The following SORCS3 variants were observed in gnomAD, a reference collection of about 807,000 sequenced individuals.
SORCS3 encodes the protein sortilin related VPS10 domain containing receptor 3.
SORCS3 carries 57 observed loss-of-function variants against 146.3 expected under a neutral mutation model. The observed-to-expected ratio is 0.39, with a 90% confidence interval of 0.31 to 0.49. SORCS3 has a LOEUF of 0.49. SORCS3 is among the 20% of genes least tolerant of loss of function. SORCS3 has a pLI of 0.92. For missense variants in SORCS3, 1,341 were observed against 1,575.5 expected (o/e 0.85, Z 2.52); for synonymous variants, 653 against 618.5 (o/e 1.06, Z -0.83).
chr10:104,706,300 C>T (rs1028302535), intron 1 of SORCS3, among the ~76,000 whole-genome samples: 20 of 149,578 alleles, frequency 1.3e-4, no homozygotes, highest in African/African-American at 4.4e-4. Flanking sequence ...CTCTGCCTCC[C>T]GGGTTCAAGC....
At chr10:104,923,648 A>G (rs2133605483) in intron 3 of SORCS3, among the ~76,000 whole-genome samples, 1 of 152,296 alleles carries the variant, frequency 6.6e-6, no homozygotes, top group South Asian at 2.1e-4. Context: ...AGAATAGAGG[A>G]CACCAAGTGT....
chr10:104,662,868 A>C (rs936925634), intron 1 of SORCS3, among the ~76,000 whole-genome samples: 4 of 152,228 alleles, frequency 2.6e-5, no homozygotes, highest in African/African-American at 9.6e-5. Context: ...AGGCACTGGG[A>C]ACTCTTAGTA....
At chr10:105,066,594 C>T (rs1317820416) in intron 5 of SORCS3, among the ~76,000 whole-genome samples, 2 of 152,124 alleles carry the variant, frequency 1.3e-5, no homozygotes, top group African/African-American at 4.8e-5. Flanking sequence ...GTGTGTTAGG[C>T]ACCCTCAGCA....
chr10:105,080,484 G>T (rs1162046149), intron 5 of SORCS3, among the ~76,000 whole-genome samples: 1 of 151,974 alleles, frequency 6.6e-6, no homozygotes, highest in South Asian at 2.1e-4. Context: ...CTCCCATTCT[G>T]TAGGTTGTCT....
intron 2 of SORCS3, among the ~76,000 whole-genome samples, chr10:104,861,695 A>T (rs1264283493): frequency 6.6e-6 from 1 of 152,176 alleles, no homozygotes; most frequent in Non-Finnish European, 1.5e-5. Flanking sequence ...GTGAAATGGC[A>T]GGACGTCACC....
At chr10:105,123,508 A>G (rs2055950527) in intron 7 of SORCS3, among the ~76,000 whole-genome samples, 1 of 152,160 alleles carries the variant, frequency 6.6e-6, no homozygotes, top group African/African-American at 2.4e-5. Flanking sequence ...TAATATGGAG[A>G]TAATGCAGTA....
At chr10:104,889,600 A>G (rs2018728045) in intron 2 of SORCS3, among the ~76,000 whole-genome samples, 1 of 152,056 alleles carries the variant, frequency 6.6e-6, no homozygotes, top group Admixed American at 6.5e-5. Flanking sequence ...ACATTTTACC[A>G]TCTCACAAAA....
At chr10:104,711,864 A>G (rs893266337) in intron 1 of SORCS3, among the ~76,000 whole-genome samples, 6 of 152,130 alleles carry the variant, frequency 3.9e-5, no homozygotes, top group African/African-American at 1.5e-4. Flanking sequence ...CTGTGCCTGG[A>G]GGACATAGGA....
At chr10:104,738,242 C>T (rs545739938) in intron 1 of SORCS3, among the ~76,000 whole-genome samples, 3 of 152,222 alleles carry the variant, frequency 2.0e-5, no homozygotes, top group South Asian at 2.1e-4. Context: ...CTTGGTGATG[C>T]GGGCTCTTTT....
chr10:105,200,121 A>C lies in SORCS3; in HGVS notation c.2127+5A>C. 6.2e-7 allele frequency: 1 copy of C among 1,607,994 alleles called. No individual in the cohort carries two copies. Among genetic ancestry groups the C allele is most frequent in the South Asian group, 1.1e-5 (1 of 90,934 alleles). On this transcript the variant is annotated splice_donor_5th_base_variant and intron_variant, in intron 15 of 26. Transcript: ENST00000369701. ...ACCTGGCACCTGCTCAATCAGGTAC[A>C]CACCCCAGGGAGTTGGAGTGCTGGC...
intron 22 of SORCS3, among the ~76,000 whole-genome samples, chr10:105,250,270 G>A (rs1005265696): frequency 1.6e-4 from 25 of 152,130 alleles, no homozygotes; most frequent in African/African-American, 6.0e-4. Flanking sequence ...TTTGACAGAT[G>A]AATGGGGGTG....
chr10:105,223,142 G>C lies in SORCS3; in HGVS notation c.2761G>C (p.Val921Leu), dbSNP rs772812351. Residue 921 changes from valine to leucine, a missense_variant, in exon 20 of 27, where the codon GTT becomes CTT. Val to Leu is a conservative substitution (Grantham distance 32). Transcript: ENST00000369701. ...VCPVEHVHLR[V>L]PFVAIRNKEV... ...TCCTGTGGAGCATGTTCATCTCCGA[G>C]TTCCATTTGTTGCCATAAGAAATAA... The C allele has an allele frequency of 3.1e-6, 5 of 1,609,076 alleles. No individual in the cohort carries two copies. The highest frequency in any genetic ancestry group is 4.2e-6 in the Non-Finnish European group (5 of 1,176,626).
chr10:105,100,634 C>A (rs917045209), intron 6 of SORCS3, among the ~76,000 whole-genome samples: 6 of 152,148 alleles, frequency 3.9e-5, no homozygotes, highest in Admixed American at 3.9e-4. Flanking sequence ...TCTTTCTTGT[C>A]CGAACATCCA....
intron 13 of SORCS3, among the ~76,000 whole-genome samples, chr10:105,177,276 G>A (rs530319625): frequency 2.4e-4 from 36 of 152,308 alleles, no homozygotes; most frequent in African/African-American, 8.4e-4. Flanking sequence ...CTATGATAGA[G>A]GATGAAGAAA....
chr10:104,685,973 C>T (rs1159424665), intron 1 of SORCS3, among the ~76,000 whole-genome samples: 1 of 152,182 alleles, frequency 6.6e-6, no homozygotes, highest in Non-Finnish European at 1.5e-5. Context: ...TCCCTCTTGC[C>T]TGACCCTTTT....
chr10:105,181,498 A>G (rs2056442416), intron 14 of SORCS3, among the ~76,000 whole-genome samples: 1 of 152,256 alleles, frequency 6.6e-6, no homozygotes, highest in Middle Eastern at 3.4e-3. Flanking sequence ...TTTCACAATA[A>G]TCTGCCCAAT....
At chr10:104,734,090 G>C (rs183566492) in intron 1 of SORCS3, among the ~76,000 whole-genome samples, 6 of 152,180 alleles carry the variant, frequency 3.9e-5, no homozygotes, top group African/African-American at 1.2e-4. Context: ...CTGTGTGTGT[G>C]AGTAGATGTA....
intron 12 of SORCS3, 88 bp downstream of exon 12, chr10:105,164,467 T>C: frequency 2.0e-6 from 2 of 988,992 alleles, no homozygotes; most frequent in Non-Finnish European, 1.6e-6. Context: ...CTCAGCCTCA[T>C]TATGACTTTG....
At chr10:105,029,361 GA>G (rs1168235751) in intron 4 of SORCS3, among the ~76,000 whole-genome samples, 1 of 152,198 alleles carries the variant, frequency 6.6e-6, no homozygotes, top group African/African-American at 2.4e-5. Context: ...AGCATTGTTT[GA>G]GGGCTTTGGG....
Sources: gnomAD v4.1 joint callset for allele counts (sites outside exome capture counted in the v4.1 genomes callset) on GRCh38, gnomAD v4.1.1 for gene constraint, MANE v1.5 for transcripts, NCBI Gene and HGNC (gene_info 2026-07-23, HGNC 2026-07-21) for gene names.